The following ADCY9 variants were observed in gnomAD, a reference collection of about 807,000 sequenced individuals.
ADCY9 encodes adenylate cyclase 9, also known as adenylate cyclase type 9.
ADCY9 carries 50 observed loss-of-function variants against 101.5 expected under a neutral mutation model. The observed-to-expected ratio is 0.49, with a 90% CI of 0.39 to 0.62. The LOEUF is 0.62. Among genes scored for constraint, ADCY9 ranks in the 20% least tolerant of loss-of-function variants. The pLI is 0.00. For missense variants in ADCY9, 1,662 were observed against 1,800.4 expected (o/e 0.92, Z 1.39); for synonymous variants, 905 against 769.3 (o/e 1.18, Z -2.92).
chr16:4,054,621 A>G (rs2056724594), intron 2 of ADCY9, among the ~76,000 whole-genome samples: 1 of 150,866 alleles, frequency 6.6e-6, no homozygotes, highest in Admixed American at 6.6e-5. Context: ...CCCAGGCTGG[A>G]GTGCAGTGGC....
intron 2 of ADCY9, among the ~76,000 whole-genome samples, chr16:4,035,233 C>T (rs905832954): frequency 6.6e-6 from 1 of 152,186 alleles, no homozygotes; most frequent in Non-Finnish European, 1.5e-5. Flanking sequence ...GCCTTTGCTA[C>T]CACAACAGCC....
intron 2 of ADCY9, among the ~76,000 whole-genome samples, chr16:4,020,825 C>CA (rs34374759): frequency 0.83 from 115,011 of 138,508 alleles, 47,954 homozygotes; most frequent in Non-Finnish European, 0.92. Flanking sequence ...GACTCCGTCT[C>CA]AAAAAAAAAA....
At chr16:4,097,554 T>TATATATATATATACA (rs1491239469) in intron 2 of ADCY9, among the ~76,000 whole-genome samples, 1 of 24,156 alleles carries the variant, frequency 4.1e-5, no homozygotes, top group African/African-American at 2.5e-4. Flanking sequence ...TATATATATA[T>TATATATATATATACA]TTTTTTTTTT....
At chr16:3,961,416 C>G (rs928994364), downstream of ADCY9, among the ~76,000 whole-genome samples, 5 of 151,796 alleles carry the variant, frequency 3.3e-5, no homozygotes, top group African/African-American at 1.2e-4. Flanking sequence ...TCACTGCACT[C>G]CAGCCTGGGT....
At chr16:4,021,785 T>C (rs2056478831) in intron 2 of ADCY9, among the ~76,000 whole-genome samples, 1 of 152,164 alleles carries the variant, frequency 6.6e-6, no homozygotes, top group Admixed American at 6.5e-5. Context: ...CAGGCTGAAG[T>C]GGCAGGTCCC....
At chr16:4,037,050 T>A (rs2056594967) in intron 2 of ADCY9, among the ~76,000 whole-genome samples, 2 of 152,162 alleles carry the variant, frequency 1.3e-5, no homozygotes, top group Non-Finnish European at 2.9e-5. Context: ...GCATGGTGGC[T>A]CATGCCTGTA....
chr16:4,071,721 C>T (rs1339360949), intron 2 of ADCY9, among the ~76,000 whole-genome samples: 2 of 152,132 alleles, frequency 1.3e-5, no homozygotes, highest in African/African-American at 4.8e-5. Flanking sequence ...TAAAGAAGAA[C>T]CGAGTTTTAA....
chr16:4,058,603 G>A (rs917211476), intron 2 of ADCY9, among the ~76,000 whole-genome samples: 8 of 152,096 alleles, frequency 5.3e-5, no homozygotes, highest in Non-Finnish European at 5.9e-5. Flanking sequence ...CTACAATGAC[G>A]TTGCAGGGGG....
In ADCY9 at chr16:4,114,561, G is replaced by A; in HGVS notation, c.882C>T (p.Ile294=). Residue 294 remains isoleucine, a synonymous_variant, in exon 2 of 11, where the codon ATC becomes ATT. Coordinates refer to ENST00000294016, the MANE Select transcript of ADCY9 (RefSeq NM_001116.4). This position sits in a 1 kb window ranked among gnomAD's most constrained non-coding sequence, Gnocchi z 4.3. ...RGLLHGCIHA[I]GVHLFVMSQV... is the part of the protein sequence containing the mutation. The stretch of plus-strand genomic sequence containing the variant: ...GGGACATGACGAACAGGTGGACCCC[G>A]ATGGCGTGGATGCAGCCGTGGAGCA... 4 of 1,614,066 alleles carry A rather than the reference G, an allele frequency of 2.5e-6. No individual in the cohort carries two copies. The highest frequency in any genetic ancestry group is 3.4e-6 in the Non-Finnish European group (4 of 1,180,030).
At chr16:4,046,495 C>T (rs895861618) in intron 2 of ADCY9, among the ~76,000 whole-genome samples, 2 of 152,320 alleles carry the variant, frequency 1.3e-5, no homozygotes. Flanking sequence ...AACATTCCCA[C>T]TCATCCAGAG....
At position 4,115,647 on chromosome 16, in the gene ADCY9, C is replaced by T; in HGVS notation, c.-44+43G>A. On this transcript the variant is annotated intron_variant, in intron 1 of 10. Transcript: ENST00000294016. The surrounding 1 kb of genome is among the most constrained non-coding windows in gnomAD (Gnocchi z 6.2). ...CTCAGCGGTGCTCCCACCGCCCCCA[C>T]CGCCCCCACCTTCGAGGCGCACGAG... is the stretch of plus-strand genomic sequence containing the variant. 1 of 622,002 alleles carries T rather than the reference C, an allele frequency of 1.6e-6. No individual in the cohort carries two copies. The highest frequency in any genetic ancestry group is 2.7e-6 in the Non-Finnish European group (1 of 374,528). The allele number at this position is 622,002 out of a possible 1,614,324, so 38.5% of individuals were successfully genotyped here. A position where few individuals can be genotyped will look rare whatever the true frequency, so the allele number is the denominator to read the frequency against.
At chr16:4,059,408 A>G (rs67745303) in intron 2 of ADCY9, among the ~76,000 whole-genome samples, 111,066 of 144,246 alleles carry the variant, frequency 0.77, 43,210 homozygotes, top group African/African-American at 0.82. Flanking sequence ...AAAAAAAGAA[A>G]GAAAGAAAGT....
At position 4,007,609 on chromosome 16, in the gene ADCY9, G is replaced by C. The variant is rs767612949; in HGVS notation, c.1694-51C>G. Reference sequence around the variant, plus strand: ...GCACAGATTGAAAGCACCGTCTGTTGAAACGCAGCTCCGTCTTGCTCTCTG... The same window carrying C: ...GCACAGATTGAAAGCACCGTCTGTTCAAACGCAGCTCCGTCTTGCTCTCTG... On this transcript the variant is annotated intron_variant, in intron 2 of 10. Coordinates refer to ENST00000294016, the MANE Select transcript of ADCY9 (RefSeq NM_001116.4). 4.4e-5 allele frequency: 65 copies of C among 1,474,676 alleles called. No homozygotes were observed. In the Middle Eastern group the frequency reaches 8.9e-4, roughly 20 times the overall value. 91.3% of individuals were successfully genotyped at this position (1,474,676 alleles called of 1,614,324 possible).
Position 3,965,589 on chromosome 16 carries a change from G to C in ADCY9, c.*186C>G. ...CAGCGGGGTTTCCAGGGAAGGGAGC[G>C]AAAGGGAAGAATGGATGAAAATGAA... is the stretch of plus-strand genomic sequence containing the variant. On this transcript the variant is annotated 3_prime_UTR_variant, in exon 11 of 11. Transcript: ENST00000294016. The C allele has an allele frequency of 1.6e-6, 1 of 634,918 alleles. No individual in the cohort carries two copies. Among genetic ancestry groups the C allele is most frequent in the Non-Finnish European group, 2.7e-6 (1 of 370,346 alleles). The allele number at this position is 634,918 out of a possible 1,614,324, so 39.3% of individuals were successfully genotyped here. A position where few individuals can be genotyped will look rare whatever the true frequency, so the allele number is the denominator to read the frequency against.
At chr16:4,050,073 C>A (rs1413286445) in intron 2 of ADCY9, among the ~76,000 whole-genome samples, 23 of 150,984 alleles carry the variant, frequency 1.5e-4, no homozygotes, top group Admixed American at 1.5e-3. Flanking sequence ...CTGTTGGGGG[C>A]CGAAGTGGGG....
At chr16:4,059,390 A>G (rs2141158785) in intron 2 of ADCY9, among the ~76,000 whole-genome samples, 1 of 151,468 alleles carries the variant, frequency 6.6e-6, no homozygotes, top group Non-Finnish European at 1.5e-5. Context: ...AAAAAAAAAA[A>G]AAAAGAAAAA....
chr16:4,016,561 A>G (rs1000682571), intron 2 of ADCY9, among the ~76,000 whole-genome samples: 1 of 152,234 alleles, frequency 6.6e-6, no homozygotes, highest in Admixed American at 6.5e-5. Flanking sequence ...TGCTGATTCA[A>G]GCACACAGTG....
chr16:4,095,007 A>ATTTT (rs34980572), intron 2 of ADCY9, among the ~76,000 whole-genome samples: 1 of 128,826 alleles, frequency 7.8e-6, no homozygotes, highest in African/African-American at 2.9e-5. Flanking sequence ...ATGACATTTA[A>ATTTT]TTTTTTTTTT....
At chr16:4,023,972 GTAA>G in intron 2 of ADCY9, among the ~76,000 whole-genome samples, 1 of 152,216 alleles carries the variant, frequency 6.6e-6, no homozygotes, top group African/African-American at 2.4e-5. Context: ...AGTGTTTTAA[GTAA>G]GACAGCACAC....
Sources: gnomAD v4.1 joint callset for allele counts (sites outside exome capture counted in the v4.1 genomes callset) on GRCh38, gnomAD v4.1.1 for gene constraint, Gnocchi (gnomAD v3.1) non-coding constraint, MANE v1.5 for transcripts, NCBI Gene and HGNC (gene_info 2026-07-23, HGNC 2026-07-21) for gene names.